XIRP2: variants seen among roughly 807,000 people sequenced by gnomAD.
The protein encoded by XIRP2 is xin actin binding repeat containing 2, also known as xin actin-binding repeat-containing protein 2.
XIRP2 carries 236 observed loss-of-function variants against 277.0 expected under a neutral mutation model. The ratio of observed to expected loss-of-function variants is 0.85; its 90% CI spans 0.77 to 0.95. The LOEUF (loss-of-function observed/expected upper bound fraction) is 0.95. Among genes scored for constraint, XIRP2 ranks in the 40% least tolerant of loss-of-function variants. The pLI, the probability that XIRP2 is intolerant of heterozygous loss-of-function variation, is 0.00. For synonymous variants in XIRP2, 1,490 were observed against 1,416.5 expected (o/e 1.05, Z -1.17); for missense variants, 4,640 against 4,157.5 (o/e 1.12, Z -3.19).
chr2:167,150,517 C>T (rs1480250706), intron 3 of XIRP2, among the ~76,000 whole-genome samples: 2 of 151,730 alleles, frequency 1.3e-5, no homozygotes, highest in East Asian at 1.9e-4. Flanking sequence ...ATTACATAAG[C>T]GAATGACTGA....
At chr2:167,051,483 AATG>A (rs1688912957) in intron 2 of XIRP2, among the ~76,000 whole-genome samples, 1 of 152,280 alleles carries the variant, frequency 6.6e-6, no homozygotes, top group East Asian at 1.9e-4. Context: ...ATTTTGATAT[AATG>A]ATATGTGTAA....
At chr2:167,029,518 T>C (rs1249279955) in intron 2 of XIRP2, among the ~76,000 whole-genome samples, 1 of 152,024 alleles carries the variant, frequency 6.6e-6, no homozygotes, top group East Asian at 1.9e-4. Context: ...TTATAGATTT[T>C]CATATGTTGA....
intron 2 of XIRP2, among the ~76,000 whole-genome samples, chr2:167,093,138 T>G (rs574373354): frequency 4.8e-4 from 73 of 151,994 alleles, no homozygotes; most frequent in Non-Finnish European, 8.7e-4. Context: ...TTTTTGATGT[T>G]ACACATAATA....
chr2:166,904,409 T>A (rs544700639), intron 2 of XIRP2, among the ~76,000 whole-genome samples: 1 of 152,168 alleles, frequency 6.6e-6, no homozygotes, highest in South Asian at 2.1e-4. Flanking sequence ...TCTGCTACTT[T>A]ACATGGATCT....
At chr2:167,183,237 A>G (rs1693066533) in intron 3 of XIRP2, among the ~76,000 whole-genome samples, 1 of 152,230 alleles carries the variant, frequency 6.6e-6, no homozygotes, top group Admixed American at 6.5e-5. Flanking sequence ...TGAAGAAAGC[A>G]ACTGTACTAG....
chr2:167,104,018 C>G (rs912705434), intron 2 of XIRP2, among the ~76,000 whole-genome samples: 3 of 152,052 alleles, frequency 2.0e-5, no homozygotes, highest in African/African-American at 7.2e-5. Flanking sequence ...GCTAAGGCTT[C>G]TTTAGAATTT....
chr2:167,242,573 A>G lies in XIRP2; in HGVS notation c.1181A>G (p.Glu394Gly). ...TTGATTTTCTCTCCCCTAAAGACTG[A>G]AAGTGAATATGAAGAGACTTTCAAG... Reference protein sequence around the residue: ...MTTPAKQIKTESEYEETFKPS... With the variant: ...MTTPAKQIKTGSEYEETFKPS... Residue 394 changes from glutamate (E) to glycine (G), a missense_variant, in exon 9 of 11, where the codon GAA becomes GGA. Glu to Gly is a moderately conservative substitution (Grantham distance 98). Transcript: ENST00000409195. The G allele has an allele frequency of 1.2e-6, 2 of 1,609,302 alleles. No homozygotes were observed. Among genetic ancestry groups the G allele is most frequent in the Non-Finnish European group, 8.5e-7 (1 of 1,177,264 alleles).
intron 2 of XIRP2, among the ~76,000 whole-genome samples, chr2:166,906,674 G>T (rs908284977): frequency 6.6e-6 from 1 of 152,000 alleles, no homozygotes; most frequent in Non-Finnish European, 1.5e-5. Context: ...TTTCTCAAAA[G>T]GCCAGGCACA....
chr2:167,187,322 T>A, intron 3 of XIRP2: 1 of 985,312 alleles, frequency 1.0e-6, no homozygotes, highest in South Asian at 4.7e-5. Context: ...CCAAGTTGCA[T>A]CCTTTAGACG....
intron 3 of XIRP2, among the ~76,000 whole-genome samples, chr2:167,164,814 C>T (rs1692474187): frequency 3.1e-5 from 4 of 127,690 alleles, no homozygotes; most frequent in Admixed American, 2.9e-4. Context: ...CCATTCATAG[C>T]TTCCGTTATC....
chr2:167,089,976 T>C (rs1212653009), intron 2 of XIRP2, among the ~76,000 whole-genome samples: 1 of 152,184 alleles, frequency 6.6e-6, no homozygotes, highest in African/African-American at 2.4e-5. Flanking sequence ...AAACTAGTAC[T>C]GTTTAGGATC....
rs566672559 is a variant in XIRP2, at chr2:167,018,131, G to A, written c.408+114241G>A. ...CTCTACAAGAAGTTCATTCAACATA[G>A]CAATAACCAGCCAACTCCACAGCCT... On this transcript the variant is annotated intron_variant, in intron 2 of 10. Coordinates refer to ENST00000409195, the MANE Select transcript of XIRP2 (RefSeq NM_152381.6). Among the ~76,000 whole-genome samples the A allele has an allele frequency of 1.7e-4, 26 of 152,024 alleles. No homozygotes were observed. The South Asian group carries it at 5.2e-3, about 30-fold the overall frequency.
In XIRP2 at chr2:167,258,897, C is replaced by A. The variant is rs199645572; in HGVS notation, c.*1080C>A. 5 of 1,612,952 alleles carry A rather than the reference C, an allele frequency of 3.1e-6. No individual in the cohort carries two copies. In the South Asian group the frequency reaches 5.5e-5, roughly 18 times the overall value. ...CTAGCAATGGCTCTGAAGAAACAGA[C>A]TGACAGAGCAGCTGCTGGCAGTCCT... On this transcript the variant is annotated 3_prime_UTR_variant, in exon 11 of 11. Transcript: ENST00000409195.
At chr2:167,131,222 A>G (rs1691366227) in intron 2 of XIRP2, among the ~76,000 whole-genome samples, 2 of 152,254 alleles carry the variant, frequency 1.3e-5, no homozygotes, top group East Asian at 1.9e-4. Flanking sequence ...CCTTCGGGCT[A>G]TATTTCTACC....
intron 2 of XIRP2, among the ~76,000 whole-genome samples, chr2:166,915,898 C>A (rs988026806): frequency 6.6e-6 from 1 of 152,262 alleles, no homozygotes; most frequent in Admixed American, 6.5e-5. Context: ...CAAACATGAG[C>A]TGAACTGTAT....
At chr2:166,965,005 A>ATGGTATGTCAGAG (rs1686392938) in intron 2 of XIRP2, among the ~76,000 whole-genome samples, 1 of 151,872 alleles carries the variant, frequency 6.6e-6, no homozygotes, top group Non-Finnish European at 1.5e-5. Flanking sequence ...CAGAGGCATA[A>ATGGTATGTCAGAG]GCACTTTGAA....
At chr2:166,895,053 G>A (rs932901019) in intron 1 of XIRP2, among the ~76,000 whole-genome samples, 4 of 152,096 alleles carry the variant, frequency 2.6e-5, no homozygotes, top group Non-Finnish European at 5.9e-5. Context: ...AATAAGAAAT[G>A]CAAGAGACTA....
chr2:166,986,762 T>A (rs1400288136), intron 2 of XIRP2, among the ~76,000 whole-genome samples: 1 of 152,232 alleles, frequency 6.6e-6, no homozygotes, highest in Admixed American at 6.5e-5. Context: ...TTTTTCGTGC[T>A]GTGAAATGCT....
chr2:167,031,745 A>C (rs1318553941), intron 2 of XIRP2, among the ~76,000 whole-genome samples: 1 of 152,174 alleles, frequency 6.6e-6, no homozygotes, highest in African/African-American at 2.4e-5. Context: ...ATAACTTAAA[A>C]GGGATGTGAA....
Sources: gnomAD v4.1 joint callset for allele counts (sites outside exome capture counted in the v4.1 genomes callset) on GRCh38, gnomAD v4.1.1 for gene constraint, MANE v1.5 for transcripts, NCBI Gene and HGNC (gene_info 2026-07-23, HGNC 2026-07-21) for gene names.